The following KCNQ1 variants were observed in gnomAD, a reference collection of about 807,000 sequenced individuals.
KCNQ1 encodes the protein potassium voltage-gated channel subfamily Q member 1.
A neutral mutation model predicts 72.4 loss-of-function variants in KCNQ1; 49 were observed. The observed-to-expected ratio is 0.68, with a 90% CI of 0.54 to 0.86. KCNQ1 has a LOEUF of 0.86. Ranked by LOEUF, KCNQ1 falls within the 40% of genes least tolerant of loss-of-function variation. The pLI is 0.00. For missense variants in KCNQ1, 790 were observed against 945.1 expected (o/e 0.84, Z 2.15); for synonymous variants, 450 against 412.6 (o/e 1.09, Z -1.10).
chr11:2,655,087 T>A (rs1415447744), intron 10 of KCNQ1: 13 of 398,434 alleles, frequency 3.3e-5, no homozygotes, highest in Non-Finnish European at 5.8e-5. Flanking sequence ...CCTGTATTTT[T>A]AAAAAAATAA....
rs562567804 is a variant in KCNQ1, at chr11:2,497,242, T to A, written c.387-30686T>A. On this transcript the variant is annotated intron_variant, in intron 1 of 15. Coordinates refer to ENST00000155840, the MANE Select transcript of KCNQ1 (RefSeq NM_000218.3). The surrounding 1 kb of genome is among the most constrained non-coding windows in gnomAD (Gnocchi z 4.5). Reference sequence around the variant, plus strand: ...GCTAGGTTGGGGAAGTTCTCCTGGATAATATCCTGAAGTGTGTTTTCCAAC... The same window carrying A: ...GCTAGGTTGGGGAAGTTCTCCTGGAAAATATCCTGAAGTGTGTTTTCCAAC... Among the ~76,000 whole-genome samples, 15 of 152,200 alleles carry A rather than the reference T, an allele frequency of 9.9e-5. No individual in the cohort carries two copies. Among genetic ancestry groups the A allele is most frequent in the Non-Finnish European group, 2.1e-4 (14 of 68,034 alleles).
chr11:2,551,603 T>C (rs1254809825), intron 2 of KCNQ1, among the ~76,000 whole-genome samples: 1 of 152,262 alleles, frequency 6.6e-6, no homozygotes, highest in East Asian at 1.9e-4. Context: ...TTCATTTCTC[T>C]GGGGTAAATC....
rs568845405 is a variant in KCNQ1 at position 2,772,308 on chromosome 11, G to A, written c.1590+3389G>A. The stretch of plus-strand genomic sequence containing the variant: ...CTCTGCCTACCTTGCTGGCTGATAA[G>A]TCCTTGGCCAACCACCCCTGTGTCT... On this transcript the variant is annotated intron_variant, in intron 12 of 15. Transcript: ENST00000155840. The surrounding 1 kb of genome is among the most constrained non-coding windows in gnomAD (Gnocchi z 6.6). 9.3e-4 allele frequency among the ~76,000 whole-genome samples: 142 copies of A among 152,190 alleles called. No homozygotes were observed. In the South Asian group the frequency reaches 0.013, roughly 14 times the overall value.
At chr11:2,840,767 A>AAATC (rs1474983236) in intron 15 of KCNQ1, among the ~76,000 whole-genome samples, 1 of 152,230 alleles carries the variant, frequency 6.6e-6, no homozygotes, top group African/African-American at 2.4e-5. Flanking sequence ...GAGTCCTTAC[A>AAATC]AATCAATGAA....
At chr11:2,643,696 C>A (rs1351133576) in intron 10 of KCNQ1, 2 of 398,316 alleles carry the variant, frequency 5.0e-6, no homozygotes, top group East Asian at 3.6e-5. Context: ...TAATTGATTT[C>A]TGATTATTTT....
rs1386112900 is a variant in KCNQ1 at position 2,564,564 on chromosome 11, C to T, written c.478-6064C>T. On this transcript the variant is annotated intron_variant, in intron 2 of 15. Coordinates refer to ENST00000155840, the MANE Select transcript of KCNQ1 (RefSeq NM_000218.3). The surrounding 1 kb of genome is among the most constrained non-coding windows in gnomAD (Gnocchi z 4.5). The stretch of plus-strand genomic sequence containing the variant: ...GAGCTGAGATGGTGCCACTGCACTC[C>T]TGCCTGGGCAACAGAGCAAGACTCT... Among the ~76,000 whole-genome samples, 1 of 152,266 alleles carries T rather than the reference C, an allele frequency of 6.6e-6. No individual in the cohort carries two copies. The highest frequency in any genetic ancestry group is 1.5e-5 in the Non-Finnish European group (1 of 68,044).
chr11:2,467,737 G>C (rs1846372226), intron 1 of KCNQ1, among the ~76,000 whole-genome samples: 1 of 152,196 alleles, frequency 6.6e-6, no homozygotes, highest in Admixed American at 6.5e-5. Context: ...ACAGCCAGCA[G>C]GCGTGCGTCT....
chr11:2,733,864 C>CCCCT (rs55641944), intron 11 of KCNQ1, among the ~76,000 whole-genome samples: 14 of 96,422 alleles, frequency 1.5e-4, no homozygotes, highest in African/African-American at 2.5e-4. Context: ...TCTCCCCCCC[C>CCCCT]ACTTCAGGGC....
At position 2,668,826 on chromosome 11, in the gene KCNQ1, T is replaced by C. The variant is rs1488158015; in HGVS notation, c.1514+6745T>C. 2.5e-6 allele frequency: 1 copy of C among 398,522 alleles called. No homozygotes were observed. Among genetic ancestry groups the C allele is most frequent in the Non-Finnish European group, 4.4e-6 (1 of 226,078 alleles). 24.7% of individuals were successfully genotyped at this position (398,522 alleles called of 1,614,324 possible). ...TTCATGTGGTCCAGTTAATCAAACA[T>C]TTCCTCTCTGGATAGGGCTGTTTGT... On this transcript the variant is annotated intron_variant, in intron 11 of 15. Transcript: ENST00000155840. The surrounding 1 kb of genome is among the most constrained non-coding windows in gnomAD (Gnocchi z 4.3).
chr11:2,754,198 G>A (rs549281350), intron 11 of KCNQ1, among the ~76,000 whole-genome samples: 47 of 152,338 alleles, frequency 3.1e-4, no homozygotes, highest in Admixed American at 6.5e-4. Context: ...CTGCCAGAGC[G>A]AGGCTAGCCA....
intron 11 of KCNQ1, chr11:2,662,667 T>A (rs554997337): frequency 2.5e-6 from 1 of 405,664 alleles, no homozygotes; most frequent in African/African-American, 2.0e-5. Flanking sequence ...GACATGTGAC[T>A]CCCCGCTGGG....
intron 10 of KCNQ1, among the ~76,000 whole-genome samples, chr11:2,597,467 G>A (rs549381548): frequency 9.2e-5 from 14 of 151,860 alleles, no homozygotes; most frequent in Non-Finnish European, 1.5e-4. Flanking sequence ...TCATATCTCC[G>A]TTAAACAGCC....
chr11:2,695,355 C>T lies in KCNQ1; in HGVS notation c.1514+33274C>T, dbSNP rs1341072729. 2 of 398,424 alleles carry T rather than the reference C, an allele frequency of 5.0e-6. No individual in the cohort carries two copies. Among genetic ancestry groups the T allele is most frequent in the Non-Finnish European group, 8.8e-6 (2 of 226,082 alleles). 24.7% of individuals were successfully genotyped at this position (398,424 alleles called of 1,614,324 possible). ...GTGTGTGTGTGTGTGCACTCACGAGCACTCCCTAGTACTGCGTGTCTGGGT... is the reference window on the plus strand; with the variant it reads ...GTGTGTGTGTGTGTGCACTCACGAGTACTCCCTAGTACTGCGTGTCTGGGT... On this transcript the variant is annotated intron_variant, in intron 11 of 15. Transcript: ENST00000155840. The surrounding 1 kb of genome is among the most constrained non-coding windows in gnomAD (Gnocchi z 5.2).
At position 2,698,750 on chromosome 11, in the gene KCNQ1, A is replaced by G. The variant is rs1250104338; in HGVS notation, c.1514+36669A>G. 2 of 398,766 alleles carry G rather than the reference A, an allele frequency of 5.0e-6. No homozygotes were observed. The highest frequency in any genetic ancestry group is 8.8e-6 in the Non-Finnish European group (2 of 226,136). The allele number at this position is 398,766 out of a possible 1,614,324, so 24.7% of individuals were successfully genotyped here. On this transcript the variant is annotated intron_variant, in intron 11 of 15. Coordinates refer to ENST00000155840, the MANE Select transcript of KCNQ1 (RefSeq NM_000218.3). The surrounding 1 kb of genome is among the most constrained non-coding windows in gnomAD (Gnocchi z 5.1). The stretch of plus-strand genomic sequence containing the variant: ...TCGGACCTCCCTTGGATCTCAACTC[A>G]GAGCCATGATGCAGACTCCAGACCG...
Position 2,446,655 on chromosome 11 carries a change from A to C in KCNQ1, c.386+1171A>C, listed in dbSNP as rs115461746. Among the ~76,000 whole-genome samples the C allele has an allele frequency of 6.9e-3, 1,056 of 152,244 alleles. 13 individuals carry two copies. The highest frequency in any genetic ancestry group is 0.024 in the African/African-American group (1,009 of 41,546). On this transcript the variant is annotated intron_variant, in intron 1 of 15. Transcript: ENST00000155840. The surrounding 1 kb of genome is among the most constrained non-coding windows in gnomAD (Gnocchi z 8.8). ...TCGCAGGGCTACTGCCTTCCTTGCT[A>C]AGAGGTGGCCTTCCACATCAGGAAG...
rs781369024 is a variant in KCNQ1, at chr11:2,699,617, GAACCGCGCCGAAGAACCCCCGGGGAC to G, written c.1514+37562_1514+37587del. The stretch of plus-strand genomic sequence containing the variant: ...AACCGCGGCGAGAGGCCCCCGGAGA[GAACCGCGCCGAAGAACCCCCGGGGAC>G]AACCGCGCCGAAGAACCCCCGGGGA... On this transcript the variant is annotated intron_variant, in intron 11 of 15. Coordinates refer to ENST00000155840, the MANE Select transcript of KCNQ1 (RefSeq NM_000218.3). 1.1e-3 allele frequency: 383 copies of G among 355,872 alleles called. No homozygotes were observed. Among genetic ancestry groups the G allele is most frequent in the Non-Finnish European group, 1.5e-3 (316 of 204,602 alleles). The allele number at this position is 355,872 out of a possible 1,614,324, so 22.0% of individuals were successfully genotyped here.
Position 2,601,726 on chromosome 11 carries a change from G to A in KCNQ1, c.1393+12872G>A, listed in dbSNP as rs926088592. On this transcript the variant is annotated intron_variant, in intron 10 of 15. Transcript: ENST00000155840. This position sits in a 1 kb window ranked among gnomAD's most constrained non-coding sequence, Gnocchi z 5.2. ...CGGCATCATTCTCTGGATTCATTCC[G>A]GTTGTTTTGTATCGCGACAGTTCAT... 3.9e-5 allele frequency among the ~76,000 whole-genome samples: 6 copies of A among 152,176 alleles called. No homozygotes were observed. The highest frequency in any genetic ancestry group is 2.4e-5 in the African/African-American group (1 of 41,424).
chr11:2,464,507 T>G lies in KCNQ1; in HGVS notation c.386+19023T>G, dbSNP rs890099459. ...TGCCGGGGTGGGGGCAGGTGCACTG[T>G]GGTCCTGGGTCCACATGGTGCTAGG... On this transcript the variant is annotated intron_variant, in intron 1 of 15. Coordinates refer to ENST00000155840, the MANE Select transcript of KCNQ1 (RefSeq NM_000218.3). The surrounding 1 kb of genome is among the most constrained non-coding windows in gnomAD (Gnocchi z 5.0). Among the ~76,000 whole-genome samples the G allele has an allele frequency of 3.3e-5, 5 of 152,200 alleles. No individual in the cohort carries two copies. The highest frequency in any genetic ancestry group is 9.6e-5 in the African/African-American group (4 of 41,516).
In KCNQ1 at chr11:2,746,549, G is replaced by A. The variant is rs1273240948; in HGVS notation, c.1515-22295G>A. 1.3e-5 allele frequency among the ~76,000 whole-genome samples: 2 copies of A among 152,186 alleles called. No homozygotes were observed. Among genetic ancestry groups the A allele is most frequent in the African/African-American group, 2.4e-5 (1 of 41,444 alleles). ...ACCTGGACGGTTCAGAGGAGGACAG[G>A]TCAGGTGTTTGTAGGGTGTCCCTTA... On this transcript the variant is annotated intron_variant, in intron 11 of 15. Transcript: ENST00000155840. The surrounding 1 kb of genome is among the most constrained non-coding windows in gnomAD (Gnocchi z 5.9).
Sources: allele counts gnomAD v4.1 joint callset (sites outside exome capture counted in the v4.1 genomes callset), GRCh38; gene constraint gnomAD v4.1.1; non-coding constraint Gnocchi (gnomAD v3.1); transcripts MANE v1.5; gene names NCBI Gene and HGNC (gene_info 2026-07-23, HGNC 2026-07-21).